The following SHPRH variants were observed in gnomAD, a reference collection of about 807,000 sequenced individuals.
SHPRH encodes SNF2 histone linker PHD RING helicase.
A neutral mutation model predicts 202.5 loss-of-function variants in SHPRH; 106 were observed. The observed-to-expected ratio is 0.52, with a 90% CI of 0.45 to 0.62. The LOEUF (loss-of-function observed/expected upper bound fraction) is 0.62. Ranked by LOEUF, SHPRH falls within the 20% of genes least tolerant of loss-of-function variation. The pLI is 0.00. For missense variants in SHPRH, 1,710 were observed against 2,020.0 expected (o/e 0.85, Z 2.94); for synonymous variants, 729 against 686.0 (o/e 1.06, Z -0.98).
chr6:145,955,264 T>TG lies in SHPRH; in HGVS notation c.58dup (p.Gln20ProfsTer8). ...GTCCTCATGCATATTCCAATGAAGC[T>TG]GCTGCCTCTTTTCCTCATCTACCCT... On this transcript the variant is annotated frameshift_variant, in exon 2 of 30. Transcript: ENST00000275233. LOFTEE classifies it high-confidence loss of function. The TG allele has an allele frequency of 2.5e-6, 4 of 1,612,008 alleles. No individual in the cohort carries two copies. The highest frequency in any genetic ancestry group is 2.5e-6 in the Non-Finnish European group (3 of 1,179,802).
chr6:145,942,169 A>G (rs927830392), intron 9 of SHPRH, among the ~76,000 whole-genome samples: 5 of 152,208 alleles, frequency 3.3e-5, no homozygotes, highest in Non-Finnish European at 5.9e-5. Flanking sequence ...TATATCTTAA[A>G]GGTTCTCATA....
intron 16 of SHPRH, among the ~76,000 whole-genome samples, chr6:145,925,889 T>C (rs1784833306): frequency 6.6e-6 from 1 of 151,586 alleles, no homozygotes; most frequent in African/African-American, 2.4e-5. Context: ...GCTACCTCTT[T>C]TGTAGATCTG....
intron 2 of SHPRH, among the ~76,000 whole-genome samples, chr6:145,867,672 AGG>A (rs1554220326): frequency 7.4e-6 from 1 of 134,296 alleles, no homozygotes; most frequent in East Asian, 2.3e-4. Context: ...AGAGAGAGAG[AGG>A]TGAAGGAAGA....
chr6:145,937,023 G>A (rs1000914394), intron 11 of SHPRH, among the ~76,000 whole-genome samples: 6 of 128,780 alleles, frequency 4.7e-5, no homozygotes, highest in Non-Finnish European at 7.8e-5. Flanking sequence ...TTGCTCTGTC[G>A]CCCAGGCTGG....
intron 1 of SHPRH, among the ~76,000 whole-genome samples, chr6:145,957,110 GT>G (rs1260060070): frequency 6.6e-6 from 1 of 152,074 alleles, no homozygotes; most frequent in Non-Finnish European, 1.5e-5. Flanking sequence ...TTTGAAAGAA[GT>G]TCAGAGGCAG....
intron 23 of SHPRH, among the ~76,000 whole-genome samples, chr6:145,914,405 A>G (rs1783767604): frequency 6.6e-6 from 1 of 152,196 alleles, no homozygotes; most frequent in Non-Finnish European, 1.5e-5. Context: ...ATGTCAATAA[A>G]GAGTTGACAT....
intron 3 of SHPRH, 105 bp downstream of exon 3, chr6:145,952,244 T>C: frequency 2.0e-6 from 2 of 1,014,916 alleles, no homozygotes; most frequent in Non-Finnish European, 2.8e-6. Context: ...TTAATTTTTA[T>C]TATGGCTTTA....
At chr6:145,951,931 A>G (rs1788020977) in intron 3 of SHPRH, 1 of 455,452 alleles carries the variant, frequency 2.2e-6, no homozygotes, top group African/African-American at 2.0e-5. Context: ...CGTCTTGCCA[A>G]GAAACAGAGC....
At chr6:145,935,232 C>T (rs367934093) in intron 12 of SHPRH, 46 bp downstream of exon 12, 3 of 1,601,194 alleles carry the variant, frequency 1.9e-6, no homozygotes. Context: ...CCAATTGTTT[C>T]TTTTCTCTTA....
At chr6:145,916,503 A>T (rs1783964745) in intron 23 of SHPRH, among the ~76,000 whole-genome samples, 1 of 152,060 alleles carries the variant, frequency 6.6e-6, no homozygotes, top group Admixed American at 6.6e-5. Flanking sequence ...TGGGGTGTGT[A>T]ATCATTTAAA....
chr6:145,920,891 T>C (rs940295349), intron 21 of SHPRH, among the ~76,000 whole-genome samples: 4 of 152,066 alleles, frequency 2.6e-5, no homozygotes, highest in Non-Finnish European at 5.9e-5. Flanking sequence ...AAGCTAATAA[T>C]AGAATGAACA....
At chr6:145,879,632 C>A (rs564585250) in intron 2 of SHPRH, among the ~76,000 whole-genome samples, 2 of 152,064 alleles carry the variant, frequency 1.3e-5, no homozygotes, top group African/African-American at 4.8e-5. Context: ...GACTAGCAGC[C>A]GGGTGTGGTG....
intron 23 of SHPRH, 42 bp downstream of exon 23, chr6:145,918,089 T>C (rs779441389): frequency 6.7e-7 from 1 of 1,486,350 alleles, no homozygotes; most frequent in East Asian, 2.3e-5. Flanking sequence ...TGGTTTATGA[T>C]AATGCAGCAT....
chr6:145,879,446 A>G (rs1780452695), intron 2 of SHPRH, among the ~76,000 whole-genome samples: 1 of 152,206 alleles, frequency 6.6e-6, no homozygotes, highest in African/African-American at 2.4e-5. Context: ...TAAATATAGG[A>G]CTTAAACTCT....
chr6:145,937,115 C>G (rs909169589), intron 11 of SHPRH, among the ~76,000 whole-genome samples: 1 of 151,788 alleles, frequency 6.6e-6, no homozygotes, highest in African/African-American at 2.4e-5. Context: ...TCCCGACTAG[C>G]TGGGATTACA....
rs1562268495 is a variant in SHPRH, at chr6:145,867,623, T to TAGAGAG, written c.222-3133_222-3132insCTCTCT. 7.5e-4 allele frequency among the ~76,000 whole-genome samples: 51 copies of TAGAGAG among 68,414 alleles called. 1 individual carries two copies. The highest frequency in any genetic ancestry group is 1.5e-3 in the African/African-American group (20 of 13,590). 44.9% of individuals were successfully genotyped at this position (68,414 alleles called of 152,430 possible). On this transcript the variant is annotated intron_variant, in intron 2 of 2. Transcript: ENST00000417762. ...GAATATATATATATATATATATATA[T>TAGAGAG]ATATATATAGAGAGAGAGAGAGAGA...
the SHPRH span, among the ~76,000 whole-genome samples, chr6:145,857,921 C>A: frequency 1.3e-4 from 20 of 152,056 alleles, no homozygotes; most frequent in African/African-American, 3.9e-4. Context: ...TTTGCACAGA[C>A]CTTCCACCAA....
chr6:145,899,654 G>T (rs1038654610), intron 25 of SHPRH, among the ~76,000 whole-genome samples: 3 of 152,042 alleles, frequency 2.0e-5, no homozygotes, highest in Non-Finnish European at 4.4e-5. Flanking sequence ...AAAGCAAAAA[G>T]ATAAATAGGA....
intron 14 of SHPRH, among the ~76,000 whole-genome samples, chr6:145,928,698 G>A (rs964596601): frequency 1.3e-5 from 2 of 151,794 alleles, no homozygotes; most frequent in African/African-American, 4.8e-5. Context: ...ATTCAGTGTT[G>A]TGCAAAACAC....
Sources: gnomAD v4.1 joint callset for allele counts (sites outside exome capture counted in the v4.1 genomes callset) on GRCh38, gnomAD v4.1.1 for gene constraint, MANE v1.5 for transcripts, NCBI Gene and HGNC (gene_info 2026-07-23, HGNC 2026-07-21) for gene names.